Variants in MINDY2 observed in about 807,000 individuals in gnomAD.
The protein encoded by MINDY2 is MINDY lysine 48 deubiquitinase 2, also known as ubiquitin carboxyl-terminal hydrolase MINDY-2.
Under a neutral mutation model 68.2 loss-of-function variants are expected in MINDY2, and 52 were observed. The observed-to-expected ratio is 0.76, with a 90% CI of 0.61 to 0.96. The LOEUF is 0.96. Among genes scored for constraint, MINDY2 ranks in the 40% least tolerant of loss-of-function variants. The pLI, the probability that MINDY2 is intolerant of heterozygous loss-of-function variation, is 0.00. For missense variants in MINDY2, 881 were observed against 773.4 expected, an observed-to-expected ratio of 1.14 and a Z score of -1.65; for synonymous variants, 372 against 303.0, an observed-to-expected ratio of 1.23 and a Z score of -2.36.
chr15:58,837,012 G>A (rs2032027004), intron 6 of MINDY2, among the ~76,000 whole-genome samples: 1 of 152,082 alleles, frequency 6.6e-6, no homozygotes, highest in South Asian at 2.1e-4. Context: ...TAACACTTTG[G>A]CTGTTGGTGT....
intron 1 of MINDY2, among the ~76,000 whole-genome samples, chr15:58,781,340 C>T (rs1421668683): frequency 6.6e-6 from 1 of 152,094 alleles, no homozygotes; most frequent in Non-Finnish European, 1.5e-5. Context: ...GCATGAGCCA[C>T]CGCACCCAGC....
At chr15:58,823,240 C>T (rs1483216647) in intron 5 of MINDY2, among the ~76,000 whole-genome samples, 1 of 151,346 alleles carries the variant, frequency 6.6e-6, no homozygotes, top group Non-Finnish European at 1.5e-5. Flanking sequence ...CAGGATGAAG[C>T]CATTCTCCTT....
rs772804002 is a variant in MINDY2, at chr15:58,851,783, G to A, written c.1555G>A (p.Ala519Thr). The part of the protein sequence containing the change: ...QDQIDQDYLM[A>T]LSLQQEQQSQ... ...TTTAATTTATTAGGATTATCTTATG[G>A]CATTATCTCTACAACAAGAACAGCA... The change falls in exon 8 of 9, where the codon GCA becomes ACA. Residue 519 changes from alanine (A) to threonine (T), a missense_variant. By Grantham distance (58) the Ala-to-Thr change is moderately conservative. Transcript: ENST00000559228. 2 of 1,583,628 alleles carry A rather than the reference G, an allele frequency of 1.3e-6. No individual in the cohort carries two copies. The highest frequency in any genetic ancestry group is 1.7e-6 in the Non-Finnish European group (2 of 1,170,942).
At chr15:58,809,248 C>A (rs1034573301) in intron 3 of MINDY2, among the ~76,000 whole-genome samples, 3 of 151,998 alleles carry the variant, frequency 2.0e-5, no homozygotes, top group Non-Finnish European at 4.4e-5. Context: ...CCCCCAGTCC[C>A]CTGGAAACAA....
chr15:58,811,263 A>G (rs1245408785), intron 4 of MINDY2, among the ~76,000 whole-genome samples: 1 of 152,220 alleles, frequency 6.6e-6, no homozygotes, highest in Admixed American at 6.5e-5. Context: ...TTAAAAAGGC[A>G]CCCCCATATA....
intron 6 of MINDY2, among the ~76,000 whole-genome samples, chr15:58,837,015 G>A (rs1387645024): frequency 6.6e-5 from 10 of 152,146 alleles, no homozygotes; most frequent in Non-Finnish European, 1.5e-4. Flanking sequence ...CACTTTGGCT[G>A]TTGGTGTAGA....
intron 4 of MINDY2, among the ~76,000 whole-genome samples, chr15:58,814,503 C>T (rs2030539896): frequency 1.3e-5 from 2 of 152,024 alleles, no homozygotes; most frequent in East Asian, 3.9e-4. Flanking sequence ...CCTCCTGCCT[C>T]AGCCTCCTAA....
intron 1 of MINDY2, among the ~76,000 whole-genome samples, chr15:58,775,152 A>G (rs560735354): frequency 1.3e-5 from 2 of 152,330 alleles, no homozygotes; most frequent in African/African-American, 4.8e-5. Context: ...TTCAGGCTAC[A>G]TGATGTAATG....
At chr15:58,826,680 G>C (rs1450955226) in intron 5 of MINDY2, among the ~76,000 whole-genome samples, 1 of 152,028 alleles carries the variant, frequency 6.6e-6, no homozygotes, top group African/African-American at 2.4e-5. Context: ...AAGCAATTTA[G>C]CATTGATACA....
chr15:58,800,239 T>C (rs1192355241), intron 2 of MINDY2, among the ~76,000 whole-genome samples: 2 of 152,236 alleles, frequency 1.3e-5, no homozygotes, highest in South Asian at 2.1e-4. Flanking sequence ...TAGCAAGGTT[T>C]TCTTAATTCT....
chr15:58,846,039 C>T (rs577516145), intron 6 of MINDY2, among the ~76,000 whole-genome samples: 20 of 149,892 alleles, frequency 1.3e-4, no homozygotes, highest in African/African-American at 4.4e-4. Context: ...TGATGGTTAC[C>T]AGAGGCTGGG....
Position 58,780,878 on chromosome 15 carries a change from C to T in MINDY2, c.841-7028C>T, listed in dbSNP as rs148618257. 3.3e-3 allele frequency among the ~76,000 whole-genome samples: 496 copies of T among 152,266 alleles called. 2 individuals carry two copies. Among genetic ancestry groups the T allele is most frequent in the African/African-American group, 0.011 (476 of 41,544 alleles). ...AGGCCTTTATCTCTCACCTGGACTACCTTAGTAGCCTTCAAAATGGTCTCT... is the reference window on the plus strand; with the variant it reads ...AGGCCTTTATCTCTCACCTGGACTATCTTAGTAGCCTTCAAAATGGTCTCT... On this transcript the variant is annotated intron_variant, in intron 1 of 8. Transcript: ENST00000559228.
Position 58,771,984 on chromosome 15 carries a change from G to A in MINDY2, c.589G>A (p.Ala197Thr). 1 of 1,582,906 alleles carries A rather than the reference G, an allele frequency of 6.3e-7. No individual in the cohort carries two copies. The highest frequency in any genetic ancestry group is 2.2e-5 in the East Asian group (1 of 44,720). Residue 197 changes from alanine to threonine, a missense_variant, in exon 1 of 9, where the codon GCG (alanine) becomes ACG (threonine). Coordinates refer to ENST00000559228, the MANE Select transcript of MINDY2 (RefSeq NM_001040450.3). Reference sequence around the variant, plus strand: ...CTGCGAGTTCAATAGTGAGGAGGGAGCGGAGAACAGGGTCCCTGAGGAGGA... The same window carrying A: ...CTGCGAGTTCAATAGTGAGGAGGGAACGGAGAACAGGGTCCCTGAGGAGGA... ...SSCEFNSEEG[A>T]ENRVPEEEEG...
At chr15:58,789,941 C>T (rs114439761) in intron 2 of MINDY2, among the ~76,000 whole-genome samples, 206 of 152,112 alleles carry the variant, frequency 1.4e-3, no homozygotes, top group African/African-American at 4.7e-3. Flanking sequence ...GCCACCGTGC[C>T]TGGTTAAGTT....
intron 4 of MINDY2, among the ~76,000 whole-genome samples, chr15:58,819,361 T>C (rs1258776481): frequency 1.3e-5 from 2 of 152,064 alleles, no homozygotes; most frequent in Non-Finnish European, 2.9e-5. Context: ...GGTGGAAGGA[T>C]TGCTTGAGCC....
Position 58,772,080 on chromosome 15 carries a change from G to T in MINDY2, c.685G>T (p.Val229Leu). The T allele has an allele frequency of 6.2e-7, 1 of 1,613,322 alleles. No homozygotes were observed. The highest frequency in any genetic ancestry group is 8.5e-7 in the Non-Finnish European group (1 of 1,179,508). ...GGAGGAGGGGGAGGAGACCGCTCAG[G>T]TGCTGGCGGCCTCCAAGGAACGCTT... The part of the protein sequence containing the change: ...KEEEGEETAQ[V>L]LAASKERFPG... Residue 229 changes from valine (V) to leucine (L), a missense_variant, in exon 1 of 9, where the codon GTG becomes TTG. Physicochemically the swap from Val to Leu is conservative, Grantham distance 32 (BLOSUM62 1). Coordinates refer to ENST00000559228, the MANE Select transcript of MINDY2 (RefSeq NM_001040450.3).
intron 7 of MINDY2, among the ~76,000 whole-genome samples, chr15:58,850,008 A>G (rs2032737528): frequency 6.6e-6 from 1 of 152,200 alleles, no homozygotes. Flanking sequence ...AAGTGCTGGG[A>G]TTACAGGCGT....
chr15:58,773,000 G>T (rs1475037043), intron 1 of MINDY2, among the ~76,000 whole-genome samples: 1 of 152,172 alleles, frequency 6.6e-6, no homozygotes, highest in Non-Finnish European at 1.5e-5. Context: ...GTATGTTGAG[G>T]ACTCAGAGCG....
At chr15:58,820,138 C>T (rs985044535) in intron 4 of MINDY2, among the ~76,000 whole-genome samples, 1 of 152,082 alleles carries the variant, frequency 6.6e-6, no homozygotes, top group Non-Finnish European at 1.5e-5. Flanking sequence ...TGGTGGCGTG[C>T]ACCTGTAGTC....
Sources: gnomAD v4.1 joint callset for allele counts (sites outside exome capture counted in the v4.1 genomes callset) on GRCh38, gnomAD v4.1.1 for gene constraint, MANE v1.5 for transcripts, NCBI Gene and HGNC (gene_info 2026-07-23, HGNC 2026-07-21) for gene names.